The following UNC5C variants were observed in gnomAD, a reference collection of about 807,000 sequenced individuals.
UNC5C encodes netrin receptor UNC5C.
Under a neutral mutation model 99.8 loss-of-function variants are expected in UNC5C, and 47 were observed. The ratio of observed to expected loss-of-function variants is 0.47; its 90% CI spans 0.37 to 0.60. UNC5C has a LOEUF of 0.60. Among genes scored for constraint, UNC5C ranks in the 20% least tolerant of loss-of-function variants. The probability of loss-of-function intolerance (pLI) is 0.00; values close to 1 mark genes in which losing one functional copy is unlikely to be tolerated. For synonymous variants in UNC5C, 487 were observed against 452.2 expected (o/e 1.08, Z -0.98); for missense variants, 1,062 against 1,165.9 (o/e 0.91, Z 1.30).
intron 2 of UNC5C, among the ~76,000 whole-genome samples, chr4:95,303,073 T>C (rs17023473): frequency 0.013 from 1,891 of 151,030 alleles, 38 homozygotes; most frequent in African/African-American, 0.044. Flanking sequence ...GAATTAGGAG[T>C]TTGAGAATTT....
At chr4:95,334,133 T>C (rs935903433) in intron 2 of UNC5C, among the ~76,000 whole-genome samples, 9 of 152,048 alleles carry the variant, frequency 5.9e-5, no homozygotes, top group Admixed American at 3.9e-4. Flanking sequence ...GAATATGTCC[T>C]ACATGCTTTT....
intron 1 of UNC5C, among the ~76,000 whole-genome samples, chr4:95,545,435 C>T (rs1268116199): frequency 2.6e-5 from 4 of 152,052 alleles, no homozygotes; most frequent in African/African-American, 7.2e-5. Context: ...AAAAAGTATA[C>T]GATAGAATTG....
intron 12 of UNC5C, among the ~76,000 whole-genome samples, chr4:95,201,815 A>C (rs776033018): frequency 1.3e-5 from 2 of 152,252 alleles, no homozygotes; most frequent in Admixed American, 6.5e-5. Flanking sequence ...CGTGTTAGCC[A>C]GGATGGTCTT....
rs370575365 is a variant in UNC5C at position 95,196,692 on chromosome 4, T to C, written c.2136+6039A>G. 2.8e-5 allele frequency among the ~76,000 whole-genome samples: 4 copies of C among 142,366 alleles called. No individual in the cohort carries two copies. In the East Asian group the frequency reaches 5.9e-4, roughly 21 times the overall value. The allele number at this position is 142,366 out of a possible 152,430, so 93.4% of individuals were successfully genotyped here. A position where few individuals can be genotyped will look rare whatever the true frequency, so the allele number is the denominator to read the frequency against. ...CACAGTTGCTTAAGACTGAGTGTGT[T>C]ATCCATCCATATGGATAATATAAAT... On this transcript the variant is annotated intron_variant, in intron 12 of 15. Coordinates refer to ENST00000453304, the MANE Select transcript of UNC5C (RefSeq NM_003728.4).
rs563627423 is a variant in UNC5C, at chr4:95,423,024, A to G, written c.125-87393T>C. Among the ~76,000 whole-genome samples the G allele has an allele frequency of 7.2e-5, 11 of 152,344 alleles. No individual in the cohort carries two copies. In the South Asian group the frequency reaches 2.3e-3, roughly 32 times the overall value. On this transcript the variant is annotated intron_variant, in intron 1 of 15. Coordinates refer to ENST00000453304, the MANE Select transcript of UNC5C (RefSeq NM_003728.4). ...CAGGAACAGCATTATTATTAAATAT[A>G]CATAAAGTGGTGATGGTCTCTGCTC...
intron 4 of UNC5C, among the ~76,000 whole-genome samples, chr4:95,269,537 C>T (rs184652860): frequency 0.011 from 1,660 of 150,998 alleles, 36 homozygotes; most frequent in East Asian, 0.093. Flanking sequence ...ATCCTACTGC[C>T]TTGGCCTCCC....
chr4:95,361,618 C>T (rs1202663388), intron 1 of UNC5C, among the ~76,000 whole-genome samples: 1 of 152,122 alleles, frequency 6.6e-6, no homozygotes, highest in African/African-American at 2.4e-5. Context: ...CCACTTCACT[C>T]TCACCAAAAC....
chr4:95,530,785 A>G (rs1356351871), intron 1 of UNC5C, among the ~76,000 whole-genome samples: 2 of 152,206 alleles, frequency 1.3e-5, no homozygotes, highest in Non-Finnish European at 2.9e-5. Flanking sequence ...CTTTTCAGAA[A>G]AAAAAGTGAA....
rs1215905464 is a variant in UNC5C, at chr4:95,278,266, A to T, written c.587T>A (p.Val196Glu). The T allele has an allele frequency of 1.9e-6, 3 of 1,613,460 alleles. No individual in the cohort carries two copies. In the South Asian group the frequency reaches 3.3e-5, roughly 18 times the overall value. ...LQCRPPEGIP[V>E]AEVEWLKNED... ...AGAATTGTTGTTATTCACCTCAGCCACTGGGATCCCTTCAGGTGGTCGACA... is the reference window on the plus strand; with the variant it reads ...AGAATTGTTGTTATTCACCTCAGCCTCTGGGATCCCTTCAGGTGGTCGACA... Residue 196 changes from valine to glutamate, a missense_variant, in exon 4 of 16, where the codon GTG becomes GAG. By Grantham distance (121) the Val-to-Glu change is moderately radical. Around this residue, in one of 3 missense-constraint regions of UNC5C, gnomAD observed 249 missense variants for 295.1 expected, o/e 0.84. Transcript: ENST00000453304.
At chr4:95,208,607 A>G (rs1737963753) in intron 10 of UNC5C, among the ~76,000 whole-genome samples, 1 of 152,182 alleles carries the variant, frequency 6.6e-6, no homozygotes, top group Non-Finnish European at 1.5e-5. Flanking sequence ...AACCATTGAT[A>G]ACTTTGCAAC....
intron 1 of UNC5C, among the ~76,000 whole-genome samples, chr4:95,355,671 C>G: frequency 6.6e-6 from 1 of 151,916 alleles, no homozygotes; most frequent in East Asian, 1.9e-4. Flanking sequence ...ATTTATTAAT[C>G]TGGAGTACCC....
chr4:95,327,666 C>A (rs1157399008), intron 2 of UNC5C, among the ~76,000 whole-genome samples: 2 of 152,072 alleles, frequency 1.3e-5, no homozygotes, highest in Non-Finnish European at 2.9e-5. Context: ...GCCTCTTCCC[C>A]TGTAGCCCCA....
At chr4:95,317,858 A>G (rs750955708) in intron 2 of UNC5C, among the ~76,000 whole-genome samples, 2 of 152,158 alleles carry the variant, frequency 1.3e-5, no homozygotes, top group Non-Finnish European at 2.9e-5. Context: ...CGGTCTCTCC[A>G]CCATCACTTC....
chr4:95,363,574 A>T (rs1398931879), intron 1 of UNC5C, among the ~76,000 whole-genome samples: 2 of 144,282 alleles, frequency 1.4e-5, no homozygotes, highest in Admixed American at 1.3e-4. Context: ...GCACTCTATA[A>T]AAGAGGCTTT....
chr4:95,479,518 T>G (rs1028185123), intron 1 of UNC5C, among the ~76,000 whole-genome samples: 54 of 152,050 alleles, frequency 3.6e-4, no homozygotes, highest in African/African-American at 1.3e-3. Flanking sequence ...AGTTTATTCC[T>G]CTCAGTTAAC....
chr4:95,542,606 A>C (rs1199228287), intron 1 of UNC5C, among the ~76,000 whole-genome samples: 1 of 152,194 alleles, frequency 6.6e-6, no homozygotes, highest in Non-Finnish European at 1.5e-5. Context: ...TATATGAGCA[A>C]CATTTTGGGG....
chr4:95,222,337 C>T (rs1404544756), intron 7 of UNC5C: 34 of 874,700 alleles, frequency 3.9e-5, no homozygotes, highest in Non-Finnish European at 1.6e-6. Context: ...AAATAGGAAG[C>T]ATGAAAAATG....
chr4:95,472,100 T>C (rs2149474749), intron 1 of UNC5C, among the ~76,000 whole-genome samples: 1 of 152,254 alleles, frequency 6.6e-6, no homozygotes, highest in Admixed American at 6.5e-5. Context: ...AAATACCCAG[T>C]GAAGAAATAT....
chr4:95,302,703 G>A (rs1741921796), intron 2 of UNC5C, among the ~76,000 whole-genome samples: 1 of 152,086 alleles, frequency 6.6e-6, no homozygotes, highest in South Asian at 2.1e-4. Context: ...GGTATAGTAA[G>A]AATGATTAAA....
Sources: gnomAD v4.1 joint callset for allele counts (sites outside exome capture counted in the v4.1 genomes callset) on GRCh38, gnomAD v4.1.1 for gene constraint, gnomAD v4.1.1 regional missense constraint, MANE v1.5 for transcripts, NCBI Gene and HGNC (gene_info 2026-07-23, HGNC 2026-07-21) for gene names.